SPMIP4: variants seen among roughly 807,000 people sequenced by gnomAD.
The protein encoded by SPMIP4 is sperm microtubule inner protein 4.
the SPMIP4 span, among the ~76,000 whole-genome samples, chr7:25,126,911 A>G: frequency 6.6e-6 from 1 of 152,012 alleles, no homozygotes; most frequent in Non-Finnish European, 1.5e-5. Context: ...TGCCTGGGAA[A>G]GTCTTTATTT....
At chr7:25,135,605 C>T in the SPMIP4 span, 1 of 856,098 alleles carries the variant, frequency 1.2e-6, no homozygotes. Flanking sequence ...AATTATTGAT[C>T]ATTTGAGTTC....
At chr7:25,168,443 G>A in the SPMIP4 span, 27 of 1,599,596 alleles carry the variant, frequency 1.7e-5, no homozygotes, top group Admixed American at 4.9e-4. Flanking sequence ...CATTGTTGAA[G>A]TGACTCCCTT....
At chr7:25,157,757 G>A in the SPMIP4 span, among the ~76,000 whole-genome samples, 1 of 152,184 alleles carries the variant, frequency 6.6e-6, no homozygotes, top group Non-Finnish European at 1.5e-5. Flanking sequence ...CTCTGGATGG[G>A]ATCCTGGGAC....
At chr7:25,156,149 A>G in the SPMIP4 span, among the ~76,000 whole-genome samples, 1 of 152,226 alleles carries the variant, frequency 6.6e-6, no homozygotes, top group South Asian at 2.1e-4. Flanking sequence ...GGACACAGAC[A>G]AACACCTGAG....
chr7:25,161,263 G>A, the SPMIP4 span: 6 of 1,419,000 alleles, frequency 4.2e-6, no homozygotes, highest in Admixed American at 2.0e-5. Context: ...GAAGCTTTCT[G>A]AAAAGAAAGA....
chr7:25,127,986 G>T, the SPMIP4 span, among the ~76,000 whole-genome samples: 1 of 152,102 alleles, frequency 6.6e-6, no homozygotes, highest in Non-Finnish European at 1.5e-5. Context: ...TGTGGTCTTG[G>T]GTAAGATCCA....
chr7:25,153,117 G>A, the SPMIP4 span, among the ~76,000 whole-genome samples: 1 of 152,024 alleles, frequency 6.6e-6, no homozygotes, highest in Non-Finnish European at 1.5e-5. Context: ...ACTAGTTCCT[G>A]GAAAGATTTT....
chr7:25,144,256 AAT>A, the SPMIP4 span, among the ~76,000 whole-genome samples: 1 of 152,254 alleles, frequency 6.6e-6, no homozygotes, highest in Non-Finnish European at 1.5e-5. Flanking sequence ...TGTTAAATAA[AAT>A]ATGTTCCTTT....
the SPMIP4 span, chr7:25,134,980 A>G: frequency 1.0e-6 from 1 of 980,560 alleles, no homozygotes; most frequent in Non-Finnish European, 1.2e-6. Flanking sequence ...TTAGCCCAGA[A>G]TAGTTTTAAG....
At chr7:25,168,318 A>AT in the SPMIP4 span, 1 of 1,607,888 alleles carries the variant, frequency 6.2e-7, no homozygotes, top group Non-Finnish European at 8.5e-7. Context: ...CAAATCCATA[A>AT]TGCTGATGTC....
the SPMIP4 span, chr7:25,142,726 T>TC: frequency 3.7e-6 from 6 of 1,609,406 alleles, no homozygotes; most frequent in South Asian, 6.7e-5. Flanking sequence ...GCAAATAGGG[T>TC]CCCATGAATT....
At chr7:25,134,258 T>TCAAACAAAAACA in the SPMIP4 span, among the ~76,000 whole-genome samples, 3 of 145,338 alleles carry the variant, frequency 2.1e-5, no homozygotes, top group African/African-American at 7.7e-5. Flanking sequence ...AGACTCTGAC[T>TCAAACAAAAACA]TAAACAAAAA....
the SPMIP4 span, chr7:25,179,215 G>T: frequency 6.2e-7 from 1 of 1,613,098 alleles, no homozygotes; most frequent in Non-Finnish European, 8.5e-7. Context: ...GTCTGGAGGG[G>T]GTTGTGCAAT....
chr7:25,159,118 T>C, the SPMIP4 span, among the ~76,000 whole-genome samples: 1 of 152,232 alleles, frequency 6.6e-6, no homozygotes, highest in Non-Finnish European at 1.5e-5. Context: ...TGACCTTTAC[T>C]CTCATAGTCA....
the SPMIP4 span, chr7:25,136,180 G>A: frequency 6.2e-7 from 1 of 1,613,976 alleles, no homozygotes; most frequent in Non-Finnish European, 8.5e-7. The surrounding 1 kb of genome is among the most constrained non-coding windows in gnomAD (Gnocchi z 5.7). Flanking sequence ...AACAGGTCTT[G>A]TTTCTTCATT....
At chr7:25,140,121 C>G in the SPMIP4 span, among the ~76,000 whole-genome samples, 1 of 152,246 alleles carries the variant, frequency 6.6e-6, no homozygotes, top group African/African-American at 2.4e-5. Flanking sequence ...AACATATGTT[C>G]ATATAATATT....
the SPMIP4 span, among the ~76,000 whole-genome samples, chr7:25,137,733 T>C: frequency 5.9e-5 from 9 of 152,222 alleles, no homozygotes; most frequent in African/African-American, 2.2e-4. Context: ...CCAGTTAGAT[T>C]GGATTAAATT....
At chr7:25,134,158 G>C in the SPMIP4 span, among the ~76,000 whole-genome samples, 11 of 151,882 alleles carry the variant, frequency 7.2e-5, no homozygotes, top group Non-Finnish European at 1.5e-4. Context: ...TACTTGGGAG[G>C]CTGAGGCAGG....
the SPMIP4 span, among the ~76,000 whole-genome samples, chr7:25,159,005 T>G: frequency 6.6e-6 from 1 of 152,222 alleles, no homozygotes; most frequent in East Asian, 1.9e-4. Context: ...GATTAATTTT[T>G]CCATCCATTT....
Sources: gnomAD v4.1 joint callset for allele counts (sites outside exome capture counted in the v4.1 genomes callset) on GRCh38, gnomAD v4.1.1 for gene constraint, Gnocchi (gnomAD v3.1) non-coding constraint, MANE v1.5 for transcripts, NCBI Gene and HGNC (gene_info 2026-07-23, HGNC 2026-07-21) for gene names.